Variants in PRKCZ observed in about 807,000 individuals in gnomAD.
The protein encoded by PRKCZ is protein kinase C zeta, also known as protein kinase C zeta type.
A neutral mutation model predicts 79.5 loss-of-function variants in PRKCZ; 33 were observed. The observed-to-expected ratio is 0.41, with a 90% CI of 0.31 to 0.55. PRKCZ has a LOEUF of 0.55. PRKCZ is among the 20% of genes least tolerant of loss of function. The probability of loss-of-function intolerance (pLI) is 0.19; values close to 1 mark genes in which losing one functional copy is unlikely to be tolerated. For missense variants in PRKCZ, 578 were observed against 813.5 expected (o/e 0.71, Z 3.52); for synonymous variants, 342 against 320.9 (o/e 1.07, Z -0.70).
rs564844860 is a variant in PRKCZ at position 2,119,393 on chromosome 1, T to G, written c.335-15869T>G. Among the ~76,000 whole-genome samples the G allele has an allele frequency of 5.9e-5, 9 of 152,138 alleles. No homozygotes were observed. In the South Asian group the frequency reaches 1.9e-3, roughly 32 times the overall value. ...CCATGCCCAACTATTTTTTGTATTTTTAGTAGAGGCAGGGTTTCACCATAT... is the reference window on the plus strand; with the variant it reads ...CCATGCCCAACTATTTTTTGTATTTGTAGTAGAGGCAGGGTTTCACCATAT... On this transcript the variant is annotated intron_variant, in intron 4 of 17. Transcript: ENST00000378567.
intron 10 of PRKCZ, among the ~76,000 whole-genome samples, chr1:2,156,888 G>C (rs1410666810): frequency 6.6e-6 from 1 of 152,194 alleles, no homozygotes; most frequent in Non-Finnish European, 1.5e-5. Flanking sequence ...CGTTAGTCAG[G>C]GTTCTCCTGA....
chr1:2,051,985 A>G (rs940427165), intron 1 of PRKCZ, among the ~76,000 whole-genome samples: 1 of 152,144 alleles, frequency 6.6e-6, no homozygotes, highest in African/African-American at 2.4e-5. Flanking sequence ...CCCTACCTGA[A>G]GAGGTAGGGC....
chr1:2,123,819 C>T (rs1329023570), intron 4 of PRKCZ, among the ~76,000 whole-genome samples: 15 of 3,978 alleles, frequency 3.8e-3, no homozygotes, highest in Middle Eastern at 0.12. Flanking sequence ...AGGGTCACGG[C>T]GGTGGTTAGG....
At chr1:2,091,747 G>A (rs746005547) in intron 4 of PRKCZ, among the ~76,000 whole-genome samples, 1 of 152,160 alleles carries the variant, frequency 6.6e-6, no homozygotes, top group Non-Finnish European at 1.5e-5. Flanking sequence ...TGACCTGCAC[G>A]CACCGTGTGA....
chr1:2,088,621 C>A (rs997675327), intron 4 of PRKCZ, among the ~76,000 whole-genome samples: 16 of 152,336 alleles, frequency 1.1e-4, no homozygotes, highest in Middle Eastern at 3.4e-3. Flanking sequence ...CCCGTAGACA[C>A]CATCATCCTG....
rs1045703832 is a variant in PRKCZ, at chr1:2,177,694, T to A, written c.1575+2381T>A. On this transcript the variant is annotated intron_variant, in intron 16 of 17. Transcript: ENST00000378567. This position sits in a 1 kb window ranked among gnomAD's most constrained non-coding sequence, Gnocchi z 6.4. ...CGCCAGGTGATCTCTGGCACACACTTGCCGCGGGCTGTCTCTCGGAAGGTA... is the reference window on the plus strand; with the variant it reads ...CGCCAGGTGATCTCTGGCACACACTAGCCGCGGGCTGTCTCTCGGAAGGTA... 2.6e-5 allele frequency among the ~76,000 whole-genome samples: 4 copies of A among 152,118 alleles called. No individual in the cohort carries two copies. The highest frequency in any genetic ancestry group is 9.7e-5 in the African/African-American group (4 of 41,410).
intron 4 of PRKCZ, among the ~76,000 whole-genome samples, chr1:2,110,025 G>A (rs941571886): frequency 2.0e-5 from 3 of 151,996 alleles, no homozygotes; most frequent in African/African-American, 7.3e-5. Context: ...ATTTCATCGG[G>A]GCCCTCCCTG....
intron 4 of PRKCZ, among the ~76,000 whole-genome samples, chr1:2,111,361 G>A (rs548421687): frequency 7.2e-4 from 110 of 152,128 alleles, no homozygotes; most frequent in Non-Finnish European, 1.1e-3. Flanking sequence ...GGGTGGGGGT[G>A]CAACATGGAG....
rs980430214 is a variant in PRKCZ, at chr1:2,057,305, G to C, written c.283+732G>C. The stretch of plus-strand genomic sequence containing the variant: ...TTTAGGTGGGCGTGGGCTCCTCCCC[G>C]GTACTGCTGGGGGTCTGCAGGGCGT... On this transcript the variant is annotated intron_variant, in intron 3 of 17. Transcript: ENST00000378567. 2.0e-5 allele frequency among the ~76,000 whole-genome samples: 3 copies of C among 152,306 alleles called. No individual in the cohort carries two copies. The East Asian group carries it at 5.8e-4, about 29-fold the overall frequency.
intron 4 of PRKCZ, among the ~76,000 whole-genome samples, chr1:2,081,406 G>GAGCAGGGGGA (rs987857701): frequency 6.6e-6 from 1 of 152,180 alleles, no homozygotes; most frequent in Non-Finnish European, 1.5e-5. Context: ...AGGCTGCAGG[G>GAGCAGGGGGA]AGCAGGGGGA....
In PRKCZ at chr1:2,125,378, G is replaced by T. The variant is rs564739892; in HGVS notation, c.335-9884G>T. ...TATTTTCAGTAGAACTGATTGTAAGGCCAGACTGTTGGAATGTAATTCCTT... is the reference window on the plus strand; with the variant it reads ...TATTTTCAGTAGAACTGATTGTAAGTCCAGACTGTTGGAATGTAATTCCTT... On this transcript the variant is annotated intron_variant, in intron 4 of 17. Coordinates refer to ENST00000378567, the MANE Select transcript of PRKCZ (RefSeq NM_002744.6). The surrounding 1 kb of genome is among the most constrained non-coding windows in gnomAD (Gnocchi z 4.2). Among the ~76,000 whole-genome samples the T allele has an allele frequency of 9.8e-5, 15 of 152,308 alleles. No individual in the cohort carries two copies. The highest frequency in any genetic ancestry group is 8.5e-4 in the Admixed American group (13 of 15,298).
At chr1:2,084,476 C>T (rs918623705) in intron 4 of PRKCZ, among the ~76,000 whole-genome samples, 3 of 152,234 alleles carry the variant, frequency 2.0e-5, no homozygotes, top group South Asian at 2.1e-4. Context: ...CAGTTCCCGC[C>T]GCTTCACCAT....
intron 4 of PRKCZ, among the ~76,000 whole-genome samples, chr1:2,088,269 T>TCCCTCC (rs1027414021): frequency 6.6e-6 from 1 of 151,840 alleles, no homozygotes; most frequent in African/African-American, 2.4e-5. Context: ...TCCTCACTGC[T>TCCCTCC]CCCTCCCCCT....
intron 4 of PRKCZ, among the ~76,000 whole-genome samples, chr1:2,085,745 G>C (rs1177649594): frequency 6.8e-6 from 1 of 147,638 alleles, no homozygotes; most frequent in Admixed American, 6.7e-5. Flanking sequence ...CCGTGCTGGA[G>C]GGGCTGAGGA....
intron 4 of PRKCZ, among the ~76,000 whole-genome samples, chr1:2,067,801 A>G (rs1481610652): frequency 6.6e-6 from 1 of 152,182 alleles, no homozygotes; most frequent in African/African-American, 2.4e-5. Context: ...GTCACACAGA[A>G]ATGGTATGTG....
intron 4 of PRKCZ, chr1:2,111,898 G>C (rs1203598052): frequency 6.6e-6 from 1 of 152,276 alleles, no homozygotes; most frequent in Non-Finnish European, 1.5e-5. Context: ...CCATGTGGGA[G>C]AGACGGGTGT....
chr1:2,068,593 G>C (rs1298122719), intron 4 of PRKCZ, among the ~76,000 whole-genome samples: 1 of 152,202 alleles, frequency 6.6e-6, no homozygotes, highest in East Asian at 1.9e-4. Context: ...TTCCAAAGGA[G>C]GGTCACGCTC....
chr1:2,063,582 G>A (rs1304468255), intron 4 of PRKCZ, among the ~76,000 whole-genome samples: 3 of 152,204 alleles, frequency 2.0e-5, no homozygotes, highest in Non-Finnish European at 4.4e-5. Flanking sequence ...CAAAGTGTTG[G>A]GATTACAGGC....
At chr1:2,155,768 G>T (rs1288397925) in intron 9 of PRKCZ, among the ~76,000 whole-genome samples, 1 of 151,770 alleles carries the variant, frequency 6.6e-6, no homozygotes, top group Non-Finnish European at 1.5e-5. Context: ...TGGTGTGACG[G>T]TGGTGATGAT....
Sources: gnomAD v4.1 joint callset for allele counts (sites outside exome capture counted in the v4.1 genomes callset) on GRCh38, gnomAD v4.1.1 for gene constraint, Gnocchi (gnomAD v3.1) non-coding constraint, MANE v1.5 for transcripts, NCBI Gene and HGNC (gene_info 2026-07-23, HGNC 2026-07-21) for gene names.